Variants in MRPL13 observed in about 807,000 individuals in gnomAD.
MRPL13 encodes large ribosomal subunit protein uL13m.
In MRPL13, 33 loss-of-function variants were observed where a neutral mutation model predicts 29.0. The observed-to-expected ratio is 1.14, with a 90% CI of 0.86 to 1.52. The LOEUF is 1.52. MRPL13 is among the 40% of genes most tolerant of loss of function. MRPL13 has a pLI of 0.00. For missense variants in MRPL13, 227 were observed against 216.7 expected (o/e 1.05, Z -0.30); for synonymous variants, 77 against 68.4 (o/e 1.13, Z -0.62).
chr8:120,414,186 AGT>A (rs68086071), intron 5 of MRPL13, 74 bp from the exon 6 acceptor site: 652,602 of 1,030,096 alleles, frequency 0.63, 216,050 homozygotes, highest in Non-Finnish European at 0.67. Flanking sequence ...ATACTTCATA[AGT>A]GTTAAAAAAA....
intron 6 of MRPL13, among the ~76,000 whole-genome samples, chr8:120,400,572 G>A: frequency 6.6e-6 from 1 of 151,782 alleles, no homozygotes; most frequent in East Asian, 1.9e-4. Context: ...AAGAACTAGA[G>A]TACCAAGAGC....
At position 120,406,591 on chromosome 8, in the gene MRPL13, G is replaced by A. The variant is rs972947798; in HGVS notation, c.515+7400C>T. Among the ~76,000 whole-genome samples, 108 of 136,002 alleles carry A rather than the reference G, an allele frequency of 7.9e-4. 1 individual carries two copies. Among genetic ancestry groups the A allele is most frequent in the African/African-American group, 2.7e-3 (103 of 37,956 alleles). 89.2% of individuals were successfully genotyped at this position (136,002 alleles called of 152,430 possible). A position where few individuals can be genotyped will look rare whatever the true frequency, so the allele number is the denominator to read the frequency against. Reference sequence around the variant, plus strand: ...TGTGTGTGTGTGTGTGTGTGTGTGTGTAATTGTTATCTAATACAGCTATGA... The same window carrying A: ...TGTGTGTGTGTGTGTGTGTGTGTGTATAATTGTTATCTAATACAGCTATGA... On this transcript the variant is annotated intron_variant, in intron 6 of 6. Transcript: ENST00000306185.
chr8:120,401,192 C>T (rs112539965), intron 6 of MRPL13, among the ~76,000 whole-genome samples: 2,333 of 152,162 alleles, frequency 0.015, 67 homozygotes, highest in African/African-American at 0.053. Flanking sequence ...AGCAGAGGTA[C>T]AACAACATAA....
intron 4 of MRPL13, among the ~76,000 whole-genome samples, chr8:120,421,915 A>G (rs1184904169): frequency 6.6e-6 from 1 of 151,794 alleles, no homozygotes; most frequent in Non-Finnish European, 1.5e-5. Context: ...TGTGATATAT[A>G]TTATCAGGAG....
chr8:120,416,609 C>A (rs970706053), intron 5 of MRPL13, among the ~76,000 whole-genome samples: 4 of 152,266 alleles, frequency 2.6e-5, no homozygotes, highest in African/African-American at 7.2e-5. Flanking sequence ...GTCAAGTGAT[C>A]ACTTTTTTTG....
chr8:120,413,047 CAT>C (rs1481358375), intron 6 of MRPL13, among the ~76,000 whole-genome samples: 2 of 152,020 alleles, frequency 1.3e-5, no homozygotes, highest in Non-Finnish European at 2.9e-5. Flanking sequence ...TTATTATTGC[CAT>C]GAGTGTAGAG....
At chr8:120,399,420 A>G (rs1812561669) in intron 6 of MRPL13, among the ~76,000 whole-genome samples, 1 of 152,176 alleles carries the variant, frequency 6.6e-6, no homozygotes, top group African/African-American at 2.4e-5. Context: ...AGAAGAAATA[A>G]GATCTTTTTC....
intron 2 of MRPL13, among the ~76,000 whole-genome samples, chr8:120,439,476 T>A (rs1241905608): frequency 6.6e-6 from 1 of 152,206 alleles, no homozygotes; most frequent in African/African-American, 2.4e-5. Flanking sequence ...GATTGGTTGA[T>A]GAAAATGCTG....
chr8:120,427,635 T>C (rs1340549882), intron 3 of MRPL13, among the ~76,000 whole-genome samples: 3 of 152,010 alleles, frequency 2.0e-5, no homozygotes, highest in Non-Finnish European at 2.9e-5. Flanking sequence ...GTGAAAGATC[T>C]CTATAATGAG....
Position 120,416,015 on chromosome 8 carries a change from C to T in MRPL13, c.394-1903G>A, listed in dbSNP as rs558861349. 3.9e-5 allele frequency: 6 copies of T among 152,286 alleles called. No homozygotes were observed. In the East Asian group the frequency reaches 1.2e-3, roughly 29 times the overall value. The allele number at this position is 152,286 out of a possible 1,614,324, so 9.4% of individuals were successfully genotyped here. On this transcript the variant is annotated intron_variant, in intron 5 of 6. Transcript: ENST00000306185. ...GCTGAATGGAATAGAATTTTGAATA[C>T]AATGAGCCAAATTTCTTTACTATTA...
At position 120,419,867 on chromosome 8, in the gene MRPL13, A is replaced by C; in HGVS notation, c.378T>G (p.His126Gln). ...ACTGACTTACCTCATCTGGAAAAAGATGCAACCTTTCCATCATTGTTCTTC... is the reference window on the plus strand; with the variant it reads ...ACTGACTTACCTCATCTGGAAAAAGCTGCAACCTTTCCATCATTGTTCTTC... ...LHRRTMMERL[H>Q]LFPDEYIPED... is the part of the protein sequence containing the mutation. Residue 126 changes from histidine to glutamine, a missense_variant, in exon 5 of 7, where the codon CAT becomes CAG. Coordinates refer to ENST00000306185, the MANE Select transcript of MRPL13 (RefSeq NM_014078.6). The C allele has an allele frequency of 6.3e-7, 1 of 1,591,900 alleles. No homozygotes were observed. Among genetic ancestry groups the C allele is most frequent in the Middle Eastern group, 1.7e-4 (1 of 5,998 alleles).
intron 3 of MRPL13, among the ~76,000 whole-genome samples, chr8:120,430,167 C>T (rs1177123989): frequency 6.6e-6 from 1 of 152,110 alleles, no homozygotes; most frequent in Non-Finnish European, 1.5e-5. Context: ...GAGGCTGAGG[C>T]AGGAGAATTG....
intron 4 of MRPL13, among the ~76,000 whole-genome samples, chr8:120,420,707 AG>A (rs893915825): frequency 1.3e-5 from 2 of 151,694 alleles, no homozygotes; most frequent in African/African-American, 4.8e-5. Flanking sequence ...ATGTTTTAAA[AG>A]TTGTAAATTG....
rs1812868700 is a variant in MRPL13 at position 120,421,138 on chromosome 8, T to G, written c.307-1200A>C. Among the ~76,000 whole-genome samples, 3 of 151,718 alleles carry G rather than the reference T, an allele frequency of 2.0e-5. No homozygotes were observed. The South Asian group carries it at 6.2e-4, about 32-fold the overall frequency. Reference sequence around the variant, plus strand: ...AATATCAAAGACCTTCCTCATATAATCTATATCCCAGGGTACGTGCCATTT... The same window carrying G: ...AATATCAAAGACCTTCCTCATATAAGCTATATCCCAGGGTACGTGCCATTT... On this transcript the variant is annotated intron_variant, in intron 4 of 6. Coordinates refer to ENST00000306185, the MANE Select transcript of MRPL13 (RefSeq NM_014078.6).
chr8:120,415,829 C>T (rs565328643), intron 5 of MRPL13: 1 of 151,546 alleles, frequency 6.6e-6, no homozygotes, highest in Non-Finnish European at 1.5e-5. Flanking sequence ...ATTGAAGGCG[C>T]CTACCTGTCA....
chr8:120,419,587 C>T, intron 5 of MRPL13: 1 of 216,068 alleles, frequency 4.6e-6, no homozygotes, highest in Non-Finnish European at 9.0e-6. Flanking sequence ...CTGATCATAG[C>T]TCCTTGTTCA....
chr8:120,444,930 T>A (rs903160358), intron 1 of MRPL13, 138 bp downstream of exon 1: 2 of 1,087,822 alleles, frequency 1.8e-6, no homozygotes, highest in Non-Finnish European at 2.8e-6. Context: ...ACGACCCTCT[T>A]GTGCTTTCCC....
intron 5 of MRPL13, 142 bp from the exon 6 acceptor site, chr8:120,414,254 C>G (rs1812776172): frequency 1.4e-6 from 1 of 691,374 alleles, no homozygotes; most frequent in Non-Finnish European, 2.0e-6. Context: ...AAATAAAAAC[C>G]TTATAAAAAT....
In MRPL13 at chr8:120,419,868, T is replaced by C. The variant is rs999147181; in HGVS notation, c.377A>G (p.His126Arg). 6.3e-7 allele frequency: 1 copy of C among 1,592,028 alleles called. No homozygotes were observed. The highest frequency in any genetic ancestry group is 8.5e-7 in the Non-Finnish European group (1 of 1,169,802). ...LHRRTMMERL[H>R]LFPDEYIPED... is the part of the protein sequence containing the mutation. ...CTGACTTACCTCATCTGGAAAAAGATGCAACCTTTCCATCATTGTTCTTCT... is the reference window on the plus strand; with the variant it reads ...CTGACTTACCTCATCTGGAAAAAGACGCAACCTTTCCATCATTGTTCTTCT... The change falls in exon 5 of 7, where the codon CAT becomes CGT. Residue 126 changes from histidine (H) to arginine (R), a missense_variant. Transcript: ENST00000306185.
Sources: gnomAD v4.1 joint callset for allele counts (sites outside exome capture counted in the v4.1 genomes callset) on GRCh38, gnomAD v4.1.1 for gene constraint, MANE v1.5 for transcripts, NCBI Gene and HGNC (gene_info 2026-07-23, HGNC 2026-07-21) for gene names.